Variants in DGCR2 observed in about 807,000 individuals in gnomAD.
DGCR2 encodes the protein DiGeorge syndrome critical region gene 2, also known as integral membrane protein DGCR2/IDD.
A neutral mutation model predicts 51.6 loss-of-function variants in DGCR2; 24 were observed. The observed-to-expected ratio is 0.47, with a 90% confidence interval of 0.34 to 0.65. The LOEUF (loss-of-function observed/expected upper bound fraction) is 0.65. DGCR2 is among the 30% of genes least tolerant of loss of function. The pLI, the probability that DGCR2 is intolerant of heterozygous loss-of-function variation, is 0.01. For missense variants in DGCR2, 765 were observed against 772.1 expected (o/e 0.99, Z 0.11); for synonymous variants, 340 against 315.4 (o/e 1.08, Z -0.82).
chr22:19,074,700 T>C (rs531470636), intron 2 of DGCR2, among the ~76,000 whole-genome samples: 2 of 152,290 alleles, frequency 1.3e-5, no homozygotes, highest in African/African-American at 4.8e-5. Flanking sequence ...ACAGAATCAT[T>C]TGAATATTCA....
intron 5 of DGCR2, 31 bp downstream of exon 5, chr22:19,063,171 T>C: frequency 6.2e-7 from 1 of 1,609,286 alleles, no homozygotes; most frequent in Non-Finnish European, 8.5e-7. Flanking sequence ...CTGCCCAGCT[T>C]CAAACACTCC....
intron 6 of DGCR2, 55 bp downstream of exon 6, chr22:19,056,930 CA>C (rs938053248): frequency 6.7e-7 from 1 of 1,493,458 alleles, no homozygotes; most frequent in African/African-American, 1.4e-5. Flanking sequence ...CAGGGTCCAA[CA>C]AAGTGACACA....
Position 19,039,089 on chromosome 22 carries a change from G to A in DGCR2, c.1429C>T (p.Leu477=). The A allele has an allele frequency of 1.9e-6, 3 of 1,613,222 alleles. No individual in the cohort carries two copies. The highest frequency in any genetic ancestry group is 2.5e-6 in the Non-Finnish European group (3 of 1,179,990). ...CTCCCACCATCCCCAGGGGCTGGCA[G>A]GCTGACCTCCACAGGCTCAAAAGCA... The part of the protein sequence containing the change: ...DDAFEPVEVS[L]PAPGDGGSEG... Residue 477 remains leucine (L), a synonymous_variant, in exon 10 of 10, where the codon CTG becomes TTG. Coordinates refer to ENST00000263196, the MANE Select transcript of DGCR2 (RefSeq NM_005137.3).
chr22:19,089,842 A>G (rs1187485450), intron 1 of DGCR2, among the ~76,000 whole-genome samples: 3 of 152,228 alleles, frequency 2.0e-5, no homozygotes, highest in African/African-American at 7.2e-5. Flanking sequence ...CGGCCTCCCG[A>G]AGTGCCAGGA....
At chr22:19,062,740 CCGCATAAAA>C (rs2082681920) in intron 5 of DGCR2, among the ~76,000 whole-genome samples, 2 of 151,120 alleles carry the variant, frequency 1.3e-5, no homozygotes, top group African/African-American at 2.4e-5. Context: ...CCAAGCAGCT[CCGCATAAAA>C]TCTTTGCGCA....
chr22:19,040,991 T>G, intron 9 of DGCR2, 67 bp downstream of exon 9: 1 of 1,387,038 alleles, frequency 7.2e-7, no homozygotes, highest in Non-Finnish European at 9.9e-7. Flanking sequence ...TGGGCAAGAG[T>G]GCTGGGCTCA....
At chr22:19,082,593 T>C (rs566356590) in intron 2 of DGCR2, among the ~76,000 whole-genome samples, 1 of 151,070 alleles carries the variant, frequency 6.6e-6, no homozygotes, top group African/African-American at 2.4e-5. Flanking sequence ...CTACTAAAAA[T>C]ACAAAAATTA....
At chr22:19,067,737 C>G (rs983501644) in intron 3 of DGCR2, among the ~76,000 whole-genome samples, 1 of 151,182 alleles carries the variant, frequency 6.6e-6, no homozygotes, top group Non-Finnish European at 1.5e-5. Context: ...AATAAGGAGT[C>G]GAGCCTTCCC....
At chr22:19,081,962 T>C (rs941242223) in intron 2 of DGCR2, among the ~76,000 whole-genome samples, 1 of 152,208 alleles carries the variant, frequency 6.6e-6, no homozygotes, top group Non-Finnish European at 1.5e-5. Flanking sequence ...TACACTGAAT[T>C]AGAATCCTTA....
rs750187218 is a variant in DGCR2 at position 19,041,093 on chromosome 22, G to C, written c.1361C>G (p.Ser454Cys). The C allele has an allele frequency of 6.2e-7, 1 of 1,611,876 alleles. No individual in the cohort carries two copies. Among genetic ancestry groups the C allele is most frequent in the South Asian group, 1.1e-5 (1 of 90,874 alleles). The change falls in exon 9 of 10, where the codon TCC becomes TGC. Residue 454 changes from serine (S) to cysteine (C), a missense_variant. This residue lies in a region of DGCR2 where 205 missense variants were observed against 181.4 expected (regional missense o/e 1.13). Transcript: ENST00000263196. ...ATAGAACACACTGTCCGGGTGGATG[G>C]AGGCCTCGTAGGGCGGCGGAGGGTC... ...PDDPPPPYEA[S>C]IHPDSVFYDP... is the part of the protein sequence containing the mutation.
At chr22:19,116,953 AGATCACCTCC>A (rs1281334927) in intron 1 of DGCR2, among the ~76,000 whole-genome samples, 1 of 149,968 alleles carries the variant, frequency 6.7e-6, no homozygotes, top group Admixed American at 6.7e-5. Flanking sequence ...ATGCATAATG[AGATCACCTCC>A]CATCACCTCC....
intron 1 of DGCR2, among the ~76,000 whole-genome samples, chr22:19,095,517 C>CG (rs2083129146): frequency 6.6e-6 from 1 of 151,836 alleles, no homozygotes; most frequent in Non-Finnish European, 1.5e-5. Flanking sequence ...AAAAATTAGC[C>CG]GGGCGTGGTG....
intron 7 of DGCR2, among the ~76,000 whole-genome samples, chr22:19,045,881 C>A (rs1251839083): frequency 6.6e-6 from 1 of 152,160 alleles, no homozygotes; most frequent in Non-Finnish European, 1.5e-5. Context: ...CATAAGCCAC[C>A]ATACCCAACT....
At position 19,038,726 on chromosome 22, in the gene DGCR2, TAC is replaced by T; in HGVS notation, c.*137_*138del. The T allele has an allele frequency of 1.7e-6, 2 of 1,204,524 alleles. No homozygotes were observed. The highest frequency in any genetic ancestry group is 2.3e-6 in the Non-Finnish European group (2 of 858,094). 74.6% of individuals were successfully genotyped at this position (1,204,524 alleles called of 1,614,324 possible). ...CAGAAGGCGGGCTGTGGTCTCTATGTACACACGCGAGCCCGCCAGTGACGTGC... is the reference window on the plus strand; with the variant it reads ...CAGAAGGCGGGCTGTGGTCTCTATGTACACGCGAGCCCGCCAGTGACGTGC... On this transcript the variant is annotated 3_prime_UTR_variant, in exon 10 of 10. Transcript: ENST00000263196.
chr22:19,086,072 A>G (rs894492942), intron 2 of DGCR2, among the ~76,000 whole-genome samples: 1 of 152,238 alleles, frequency 6.6e-6, no homozygotes, highest in Non-Finnish European at 1.5e-5. Flanking sequence ...AAAAAAAATC[A>G]CAAGATTTAG....
intron 1 of DGCR2, among the ~76,000 whole-genome samples, chr22:19,117,739 G>A (rs2083388469): frequency 6.6e-6 from 1 of 152,106 alleles, no homozygotes; most frequent in African/African-American, 2.4e-5. Context: ...ACTTTTCCGG[G>A]AGTTTGAAAT....
At chr22:19,052,833 G>C (rs1331157923) in intron 6 of DGCR2, among the ~76,000 whole-genome samples, 1 of 152,084 alleles carries the variant, frequency 6.6e-6, no homozygotes, top group Non-Finnish European at 1.5e-5. Context: ...TGACTCTCCA[G>C]GGAATTATGA....
At position 19,056,953 on chromosome 22, in the gene DGCR2, A is replaced by G. The variant is rs761727548; in HGVS notation, c.802+33T>C. ...AACAAAGTGACACAAGGGCCCAGAC[A>G]TTCCCCAAGAACGCCAGCTCAAGGG... On this transcript the variant is annotated intron_variant, in intron 6 of 9. Transcript: ENST00000263196. 41 of 1,537,886 alleles carry G rather than the reference A, an allele frequency of 2.7e-5. No homozygotes were observed. The South Asian group carries it at 5.1e-4, about 19-fold the overall frequency.
intron 5 of DGCR2, chr22:19,060,971 C>T (rs370956929): frequency 2.2e-5 from 9 of 408,254 alleles, no homozygotes; most frequent in African/African-American, 1.9e-4. Flanking sequence ...ACATATTATA[C>T]AACACAGAAA....
Sources: allele counts gnomAD v4.1 joint callset (sites outside exome capture counted in the v4.1 genomes callset), GRCh38; gene constraint gnomAD v4.1.1; regional missense constraint gnomAD v4.1.1; transcripts MANE v1.5; gene names NCBI Gene and HGNC (gene_info 2026-07-23, HGNC 2026-07-21).